RAB5A: variants seen among roughly 807,000 people sequenced by gnomAD.
RAB5A encodes the protein RAB5A, member RAS oncogene family, also known as ras-related protein Rab-5A.
Under a neutral mutation model 25.7 loss-of-function variants are expected in RAB5A, and 8 were observed. The observed-to-expected ratio is 0.31, with a 90% CI of 0.18 to 0.56. The LOEUF (loss-of-function observed/expected upper bound fraction) is 0.56, where lower values mean the gene tolerates loss of function less well. Ranked by LOEUF, RAB5A falls within the 20% of genes least tolerant of loss-of-function variation. The pLI is 0.91. For synonymous variants in RAB5A, 98 were observed against 89.8 expected, an observed-to-expected ratio of 1.09 and a Z score of -0.52; for missense variants, 192 against 259.7, an observed-to-expected ratio of 0.74 and a Z score of 1.79.
chr3:19,964,881 G>T (rs1205214979), intron 2 of RAB5A, among the ~76,000 whole-genome samples: 1 of 151,962 alleles, frequency 6.6e-6, no homozygotes, highest in East Asian at 1.9e-4. Context: ...GAATTACACA[G>T]ACGGGAGCTA....
At chr3:19,973,509 A>T (rs1300978681) in intron 2 of RAB5A, among the ~76,000 whole-genome samples, 2 of 151,632 alleles carry the variant, frequency 1.3e-5, no homozygotes, top group Non-Finnish European at 1.5e-5. Context: ...TTAAAATTTT[A>T]GTTTAAAAAC....
intron 1 of RAB5A, among the ~76,000 whole-genome samples, chr3:19,949,760 G>T (rs1696395764): frequency 6.6e-6 from 1 of 152,162 alleles, no homozygotes; most frequent in South Asian, 2.1e-4. Flanking sequence ...ATAATGGCCT[G>T]CAGGCTGGGC....
Position 19,985,121 on chromosome 3 carries a change from G to A in RAB5A, c.*1298G>A, listed in dbSNP as rs1697008220. 1.9e-5 allele frequency: 7 copies of A among 363,724 alleles called. No individual in the cohort carries two copies. The South Asian group carries it at 4.0e-4, about 21-fold the overall frequency. The allele number at this position is 363,724 out of a possible 1,614,324, so 22.5% of individuals were successfully genotyped here. A position where few individuals can be genotyped will look rare whatever the true frequency, so the allele number is the denominator to read the frequency against. On this transcript the variant is annotated 3_prime_UTR_variant, in exon 6 of 6. Transcript: ENST00000273047. ...GCAGAATTAGGAAAACGGTTCACCA[G>A]TGTTTAGTTTTATATTGAGGTGCTC...
At chr3:19,961,450 A>G (rs1696583360) in intron 2 of RAB5A, among the ~76,000 whole-genome samples, 1 of 152,218 alleles carries the variant, frequency 6.6e-6, no homozygotes, top group Non-Finnish European at 1.5e-5. Flanking sequence ...GTTCTGTTAA[A>G]TAATATGTAG....
intron 2 of RAB5A, among the ~76,000 whole-genome samples, chr3:19,972,207 GAAAC>G (rs1461158722): frequency 6.6e-6 from 1 of 152,160 alleles, no homozygotes; most frequent in African/African-American, 2.4e-5. Context: ...AGCTTTATGT[GAAAC>G]AAACGAATTT....
Position 19,978,449 on chromosome 3 carries a change from G to C in RAB5A, c.532+46G>C, listed in dbSNP as rs759311762. On this transcript the variant is annotated intron_variant, in intron 5 of 5. Coordinates refer to ENST00000273047, the MANE Select transcript of RAB5A (RefSeq NM_004162.5). ...TAAATGATCAATATAAGCAAAACAA[G>C]TGTGAAGCATATTTGGTTTGACTGT... 3.6e-6 allele frequency: 5 copies of C among 1,407,244 alleles called. No homozygotes were observed. In the East Asian group the frequency reaches 1.1e-4, roughly 32 times the overall value. 87.2% of individuals were successfully genotyped at this position (1,407,244 alleles called of 1,614,324 possible). A position where few individuals can be genotyped will look rare whatever the true frequency, so the allele number is the denominator to read the frequency against.
chr3:19,960,540 A>G (rs1021544363), intron 2 of RAB5A, among the ~76,000 whole-genome samples: 10 of 152,298 alleles, frequency 6.6e-5, no homozygotes, highest in East Asian at 3.9e-4. Flanking sequence ...AGCTCAAGCA[A>G]TCAACCTGCC....
chr3:19,971,442 A>G (rs1162427248), intron 2 of RAB5A, among the ~76,000 whole-genome samples: 1 of 151,918 alleles, frequency 6.6e-6, no homozygotes, highest in Non-Finnish European at 1.5e-5. Context: ...ATCATACCAC[A>G]TGAACAGTAG....
intron 2 of RAB5A, among the ~76,000 whole-genome samples, chr3:19,968,762 C>T (rs752860683): frequency 2.0e-5 from 3 of 152,008 alleles, no homozygotes; most frequent in Non-Finnish European, 4.4e-5. Flanking sequence ...TGTGCCCGGC[C>T]TTACTTCCAA....
intron 1 of RAB5A, among the ~76,000 whole-genome samples, chr3:19,950,394 A>C (rs1696406009): frequency 6.6e-6 from 1 of 152,268 alleles, no homozygotes; most frequent in African/African-American, 2.4e-5. Flanking sequence ...GCCTGGCTAC[A>C]GAACTTGAAC....
chr3:19,968,068 A>G (rs764783918), intron 2 of RAB5A, among the ~76,000 whole-genome samples: 3 of 152,158 alleles, frequency 2.0e-5, no homozygotes, highest in Non-Finnish European at 4.4e-5. Context: ...TTCACTGATA[A>G]CTTTAGTACC....
chr3:19,949,178 A>G (rs545855835), intron 1 of RAB5A, among the ~76,000 whole-genome samples: 31 of 152,172 alleles, frequency 2.0e-4, no homozygotes, highest in Non-Finnish European at 4.0e-4. Flanking sequence ...ATACCTTGTT[A>G]TTTGGAAGCA....
At chr3:19,978,206 T>C (rs1173451545) in intron 4 of RAB5A, 104 bp from the exon 5 acceptor site, 1 of 773,452 alleles carries the variant, frequency 1.3e-6, no homozygotes, top group Non-Finnish European at 2.3e-6. Flanking sequence ...AGGAATCAGG[T>C]TGTAGTAATA....
intron 5 of RAB5A, 108 bp downstream of exon 5, chr3:19,978,511 G>C: frequency 1.4e-6 from 1 of 697,940 alleles, no homozygotes; most frequent in South Asian, 1.7e-5. Context: ...GGGTTTGTGT[G>C]TATGTTTATG....
chr3:19,959,916 C>G (rs988747845), intron 2 of RAB5A, among the ~76,000 whole-genome samples: 1 of 151,988 alleles, frequency 6.6e-6, no homozygotes, highest in Non-Finnish European at 1.5e-5. Flanking sequence ...TGAGCCACCG[C>G]GCTAGGCTGT....
chr3:19,971,765 G>T (rs1217961407), intron 2 of RAB5A, among the ~76,000 whole-genome samples: 1 of 152,188 alleles, frequency 6.6e-6, no homozygotes, highest in East Asian at 1.9e-4. Context: ...GGAAGCCACC[G>T]CACCTGGCCC....
chr3:19,975,435 CT>C (rs201173280), intron 2 of RAB5A, 165 bp from the exon 3 acceptor site: 252 of 585,560 alleles, frequency 4.3e-4, no homozygotes, highest in Middle Eastern at 9.9e-4. Flanking sequence ...TAGGTGTTTT[CT>C]TTTTTTTTCC....
intron 2 of RAB5A, among the ~76,000 whole-genome samples, chr3:19,953,905 G>A (rs1176739410): frequency 6.6e-6 from 1 of 152,200 alleles, no homozygotes; most frequent in Non-Finnish European, 1.5e-5. Context: ...GCTATTTCAT[G>A]ATCAACCTGA....
intron 2 of RAB5A, among the ~76,000 whole-genome samples, chr3:19,961,561 C>T (rs560729601): frequency 5.3e-5 from 8 of 152,212 alleles, no homozygotes; most frequent in Non-Finnish European, 8.8e-5. Context: ...TTAAATTGTC[C>T]ATATTCCTAA....
Sources: gnomAD v4.1 joint callset for allele counts (sites outside exome capture counted in the v4.1 genomes callset) on GRCh38, gnomAD v4.1.1 for gene constraint, MANE v1.5 for transcripts, NCBI Gene and HGNC (gene_info 2026-07-23, HGNC 2026-07-21) for gene names.